The following TENM4 variants were observed in gnomAD, a reference collection of about 807,000 sequenced individuals.
TENM4 encodes the protein teneurin transmembrane protein 4.
Under a neutral mutation model 243.3 loss-of-function variants are expected in TENM4, and 82 were observed. That is an observed-to-expected ratio of 0.34 (90% CI 0.28 to 0.40). The LOEUF is 0.40. TENM4 is among the 10% of genes least tolerant of loss of function. The pLI is 1.00. For missense variants in TENM4, 3,138 were observed against 3,673.3 expected, an observed-to-expected ratio of 0.85 and a Z score of 3.77; for synonymous variants, 1,412 against 1,456.3, an observed-to-expected ratio of 0.97 and a Z score of 0.69.
At chr11:78,921,355 GAC>G (rs1439836344) in intron 6 of TENM4, among the ~76,000 whole-genome samples, 1 of 152,206 alleles carries the variant, frequency 6.6e-6, no homozygotes, top group Admixed American at 6.5e-5. Flanking sequence ...CATGTCCAAA[GAC>G]AAATGCACTG....
intron 1 of TENM4, among the ~76,000 whole-genome samples, chr11:79,343,049 C>T (rs569698430): frequency 3.3e-5 from 5 of 152,334 alleles, no homozygotes; most frequent in South Asian, 4.1e-4. Flanking sequence ...GGTGGGCTTC[C>T]GAGGCACTGG....
At chr11:79,215,994 C>A in intron 2 of TENM4, 85 bp from the exon 3 acceptor site, 1 of 309,450 alleles carries the variant, frequency 3.2e-6, no homozygotes, top group Non-Finnish European at 4.7e-6. Context: ...CTCCAGCAGT[C>A]ATTGCAAACA....
chr11:79,011,720 G>C (rs777500353), intron 6 of TENM4, among the ~76,000 whole-genome samples: 20 of 152,210 alleles, frequency 1.3e-4, no homozygotes, highest in Non-Finnish European at 2.6e-4. Context: ...TGCCCCACCT[G>C]CTGGGAGAAA....
chr11:79,107,744 C>T (rs989875196), intron 4 of TENM4, among the ~76,000 whole-genome samples: 13 of 152,304 alleles, frequency 8.5e-5, no homozygotes, highest in East Asian at 1.9e-4. Context: ...TGATGCCACA[C>T]GCATTTATGG....
intron 2 of TENM4, among the ~76,000 whole-genome samples, chr11:79,261,248 C>T (rs1251670004): frequency 6.6e-6 from 1 of 152,178 alleles, no homozygotes; most frequent in Non-Finnish European, 1.5e-5. Flanking sequence ...AGATCGACCT[C>T]TGCAGAAAAA....
chr11:78,734,792 G>C (rs1855749853), intron 20 of TENM4, among the ~76,000 whole-genome samples: 1 of 152,114 alleles, frequency 6.6e-6, no homozygotes, highest in Admixed American at 6.6e-5. Context: ...CTGGCCCAGG[G>C]ACATTGAGTC....
At chr11:79,431,478 T>G (rs1021546190) in intron 1 of TENM4, among the ~76,000 whole-genome samples, 2 of 152,218 alleles carry the variant, frequency 1.3e-5, no homozygotes, top group Admixed American at 1.3e-4. Flanking sequence ...ATCAGAATAC[T>G]GGACTAAACG....
At chr11:78,758,056 A>G (rs757100315) in intron 18 of TENM4, among the ~76,000 whole-genome samples, 1 of 152,348 alleles carries the variant, frequency 6.6e-6, no homozygotes, top group African/African-American at 2.4e-5. Context: ...CTTAAAATAC[A>G]TAACAAAGAG....
chr11:79,264,846 C>G (rs1052872591), intron 2 of TENM4, among the ~76,000 whole-genome samples: 2 of 152,166 alleles, frequency 1.3e-5, no homozygotes, highest in Admixed American at 1.3e-4. Context: ...CTGCAAACCA[C>G]GACTTGGATG....
At chr11:78,990,949 G>C (rs1858027936) in intron 6 of TENM4, among the ~76,000 whole-genome samples, 1 of 152,206 alleles carries the variant, frequency 6.6e-6, no homozygotes, top group Middle Eastern at 3.2e-3. Flanking sequence ...GAGCAATAAT[G>C]TTCTGCATCT....
chr11:79,139,015 TCTATAA>T (rs1489139883), intron 4 of TENM4, among the ~76,000 whole-genome samples: 1 of 36,858 alleles, frequency 2.7e-5, no homozygotes, highest in African/African-American at 7.4e-5. Context: ...ATATTATATT[TCTATAA>T]ATATATATTA....
At chr11:79,331,499 C>T (rs369273650) in intron 1 of TENM4, among the ~76,000 whole-genome samples, 4 of 152,134 alleles carry the variant, frequency 2.6e-5, no homozygotes, top group East Asian at 1.9e-4. Flanking sequence ...ACAGCTGGGG[C>T]GCCAACCACA....
At chr11:79,310,894 A>G (rs1331078223) in intron 1 of TENM4, among the ~76,000 whole-genome samples, 2 of 152,210 alleles carry the variant, frequency 1.3e-5, no homozygotes, top group African/African-American at 2.4e-5. Flanking sequence ...ACAGCAACTA[A>G]GTGGGTAGGA....
At chr11:78,810,197 C>T (rs557860740) in intron 14 of TENM4, among the ~76,000 whole-genome samples, 14 of 152,146 alleles carry the variant, frequency 9.2e-5, no homozygotes, top group South Asian at 6.2e-4. Flanking sequence ...ACAAGGACAA[C>T]GCAATGACGC....
At chr11:79,022,816 G>A (rs1858969174) in intron 6 of TENM4, among the ~76,000 whole-genome samples, 1 of 152,130 alleles carries the variant, frequency 6.6e-6, no homozygotes, top group Admixed American at 6.5e-5. Flanking sequence ...TGAAGATGAA[G>A]ATGGTGATGA....
At chr11:79,331,581 A>G (rs1857062659) in intron 1 of TENM4, among the ~76,000 whole-genome samples, 1 of 152,178 alleles carries the variant, frequency 6.6e-6, no homozygotes, top group South Asian at 2.1e-4. Context: ...CAGTGTCCCC[A>G]ACATCTACTG....
At position 79,092,247 on chromosome 11, in the gene TENM4, A is replaced by T. The variant is rs1300074939; in HGVS notation, c.-65-22238T>A. On this transcript the variant is annotated intron_variant, in intron 4 of 33. Coordinates refer to ENST00000278550, the MANE Select transcript of TENM4 (RefSeq NM_001098816.3). ...GTCTGGTGGGGCAGACTGACTTTCA[A>T]AGTAATGAGTGTACGTACATGTTCT... Among the ~76,000 whole-genome samples the T allele has an allele frequency of 2.0e-5, 3 of 152,142 alleles. No homozygotes were observed. The East Asian group carries it at 5.8e-4, about 29-fold the overall frequency.
chr11:79,050,943 G>C (rs1312226879), intron 6 of TENM4, among the ~76,000 whole-genome samples: 1 of 152,160 alleles, frequency 6.6e-6, no homozygotes, highest in Non-Finnish European at 1.5e-5. Context: ...TTAGAGCCAG[G>C]CTGACCAGCT....
chr11:79,179,741 A>G (rs377565862), intron 3 of TENM4, among the ~76,000 whole-genome samples: 2 of 151,854 alleles, frequency 1.3e-5, no homozygotes, highest in South Asian at 2.1e-4. Flanking sequence ...CGAGTGATTC[A>G]ATAAAGAGTT....
Sources: allele counts gnomAD v4.1 joint callset (sites outside exome capture counted in the v4.1 genomes callset), GRCh38; gene constraint gnomAD v4.1.1; transcripts MANE v1.5; gene names NCBI Gene and HGNC (gene_info 2026-07-23, HGNC 2026-07-21).